FGF20: variants seen among roughly 807,000 people sequenced by gnomAD.
FGF20 encodes fibroblast growth factor 20.
Under a neutral mutation model 16.7 loss-of-function variants are expected in FGF20, and 8 were observed. The observed-to-expected ratio is 0.48, with a 90% CI of 0.28 to 0.87. FGF20 has a LOEUF of 0.87. Among genes scored for constraint, FGF20 ranks in the 40% least tolerant of loss-of-function variants. The pLI is 0.10. For missense variants in FGF20, 397 were observed against 281.4 expected (o/e 1.41, Z -2.94); for synonymous variants, 161 against 118.6 (o/e 1.36, Z -2.32).
chr8:16,999,083 G>C (rs1288804803), intron 1 of FGF20, among the ~76,000 whole-genome samples: 2 of 152,032 alleles, frequency 1.3e-5, no homozygotes, highest in Non-Finnish European at 2.9e-5. Flanking sequence ...CTTCTTACCC[G>C]CACTCTCTTA....
Position 17,002,325 on chromosome 8 carries a change from G to T in FGF20, c.-293C>A, listed in dbSNP as rs1810208957. On this transcript the variant is annotated 5_prime_UTR_variant, in exon 1 of 3. Coordinates refer to ENST00000180166, the MANE Select transcript of FGF20 (RefSeq NM_019851.3). ...GGCTGTTGGCTGGGGCTCCAATTCCGCAAACTGATCAGATCAGAGTCCTGT... is the reference window on the plus strand; with the variant it reads ...GGCTGTTGGCTGGGGCTCCAATTCCTCAAACTGATCAGATCAGAGTCCTGT... 2 of 360,550 alleles carry T rather than the reference G, an allele frequency of 5.5e-6. No homozygotes were observed. The highest frequency in any genetic ancestry group is 1.3e-4 in the South Asian group (2 of 14,918). 22.3% of individuals were successfully genotyped at this position (360,550 alleles called of 1,614,324 possible).
At chr8:16,993,413 T>A (rs921342756) in intron 2 of FGF20, 96 bp from the exon 3 acceptor site, 27 of 1,249,026 alleles carry the variant, frequency 2.2e-5, no homozygotes, top group Non-Finnish European at 2.8e-5. Context: ...CTTTGCCTTG[T>A]CAAAGAAAGA....
chr8:17,000,698 T>C (rs1810160974), intron 1 of FGF20, among the ~76,000 whole-genome samples: 1 of 151,988 alleles, frequency 6.6e-6, no homozygotes, highest in Admixed American at 6.6e-5. Flanking sequence ...GAGCACCCCA[T>C]CTTTGTACAG....
At chr8:17,001,485 C>G (rs1810180359) in intron 1 of FGF20, among the ~76,000 whole-genome samples, 1 of 152,096 alleles carries the variant, frequency 6.6e-6, no homozygotes, top group African/African-American at 2.4e-5. Context: ...AAGCGCCCAC[C>G]CTTTCTCCTC....
Position 17,001,963 on chromosome 8 carries a change from G to A in FGF20, c.70C>T (p.His24Tyr). ...TCCCCGGCAGGAGGCAACAGGAAAT[G>A]CGAACCCACCTGCTGGCCCAAGCCC... is the stretch of plus-strand genomic sequence containing the variant. ...LEGLGQQVGS[H>Y]FLLPPAGERP... The change falls in exon 1 of 3, where the codon CAT (histidine) becomes TAT (tyrosine). Residue 24 changes from histidine (H) to tyrosine (Y), a missense_variant. Transcript: ENST00000180166. 1 of 1,507,258 alleles carries A rather than the reference G, an allele frequency of 6.6e-7. No individual in the cohort carries two copies. Among genetic ancestry groups the A allele is most frequent in the Non-Finnish European group, 8.9e-7 (1 of 1,129,014 alleles). 93.4% of individuals were successfully genotyped at this position (1,507,258 alleles called of 1,614,324 possible).
intron 1 of FGF20, among the ~76,000 whole-genome samples, chr8:17,001,171 A>C (rs1254867305): frequency 1.3e-5 from 2 of 151,910 alleles, no homozygotes; most frequent in African/African-American, 2.4e-5. Context: ...TCTTCAGGTG[A>C]ACATTTGCAA....
chr8:17,002,101 A>G lies in FGF20; in HGVS notation c.-69T>C. The G allele has an allele frequency of 7.0e-7, 1 of 1,427,864 alleles. No individual in the cohort carries two copies. Among genetic ancestry groups the G allele is most frequent in the Non-Finnish European group, 9.2e-7 (1 of 1,089,530 alleles). 88.4% of individuals were successfully genotyped at this position (1,427,864 alleles called of 1,614,324 possible). A position where few individuals can be genotyped will look rare whatever the true frequency, so the allele number is the denominator to read the frequency against. On this transcript the variant is annotated 5_prime_UTR_variant, in exon 1 of 3. Coordinates refer to ENST00000180166, the MANE Select transcript of FGF20 (RefSeq NM_019851.3). ...TGTTGTGGGGGTGGGATGGAGGTGGATAGAGAAAAATTATAGCAAAACGAG... is the reference window on the plus strand; with the variant it reads ...TGTTGTGGGGGTGGGATGGAGGTGGGTAGAGAAAAATTATAGCAAAACGAG...
rs1340324108 is a variant in FGF20 at position 16,992,364 on chromosome 8, A to C, written c.*708T>G. The C allele has an allele frequency of 1.3e-5, 2 of 152,042 alleles. No individual in the cohort carries two copies. Among genetic ancestry groups the C allele is most frequent in the East Asian group, 3.8e-4 (2 of 5,198 alleles). The allele number at this position is 152,042 out of a possible 1,614,324, so 9.4% of individuals were successfully genotyped here. A position where few individuals can be genotyped will look rare whatever the true frequency, so the allele number is the denominator to read the frequency against. On this transcript the variant is annotated 3_prime_UTR_variant, in exon 3 of 3. Coordinates refer to ENST00000180166, the MANE Select transcript of FGF20 (RefSeq NM_019851.3). ...GATTCTATGGTTAAGGTGGTATAAT[A>C]ATGTCCTCTTTACAGAGCAAGACAC...
chr8:17,000,696 C>G (rs1001391124), intron 1 of FGF20, among the ~76,000 whole-genome samples: 1 of 151,958 alleles, frequency 6.6e-6, no homozygotes, highest in Non-Finnish European at 1.5e-5. Context: ...GAGAGCACCC[C>G]ATCTTTGTAC....
rs1458008934 is a variant in FGF20 at position 16,995,837 on chromosome 8, T to A, written c.287-79A>T. 9 of 752,924 alleles carry A rather than the reference T, an allele frequency of 1.2e-5. No homozygotes were observed. The East Asian group carries it at 2.3e-4, about 19-fold the overall frequency. The allele number at this position is 752,924 out of a possible 1,614,324, so 46.6% of individuals were successfully genotyped here. ...ATATGACTAACAAAAATCTTCCAAA[T>A]AGTAGCGGTAGTCGGCCATTATTGC... On this transcript the variant is annotated intron_variant, in intron 1 of 2. Coordinates refer to ENST00000180166, the MANE Select transcript of FGF20 (RefSeq NM_019851.3).
chr8:16,993,659 CA>C lies in FGF20; in HGVS notation c.391-343del, dbSNP rs17515289. On this transcript the variant is annotated intron_variant, in intron 2 of 2. Transcript: ENST00000180166. The stretch of plus-strand genomic sequence containing the variant: ...GTGTACTTCATTCCCATTATTATTA[CA>C]TTGTAATATATAATGAAATAATTAC... Among the ~76,000 whole-genome samples the C allele has an allele frequency of 2.1e-3, 324 of 152,226 alleles. 9 individuals are homozygous for C. The East Asian group carries it at 0.048, about 23-fold the overall frequency.
At chr8:16,999,779 T>C (rs1235524637) in intron 1 of FGF20, among the ~76,000 whole-genome samples, 1 of 150,616 alleles carries the variant, frequency 6.6e-6, no homozygotes, top group Non-Finnish European at 1.5e-5. Context: ...GACCTCATGA[T>C]CCACCCGCCT....
intron 1 of FGF20, among the ~76,000 whole-genome samples, chr8:17,000,943 C>A (rs889932274): frequency 7.2e-5 from 11 of 152,072 alleles, no homozygotes; most frequent in Non-Finnish European, 1.3e-4. Flanking sequence ...TTCCTAAAGT[C>A]GATACCAAGA....
At chr8:16,996,802 T>C (rs1382127846) in intron 1 of FGF20, among the ~76,000 whole-genome samples, 1 of 152,216 alleles carries the variant, frequency 6.6e-6, no homozygotes, top group Admixed American at 6.5e-5. Context: ...GAAAGGCTTA[T>C]TGACTTGCCT....
chr8:16,994,166 G>A (rs997134531), intron 2 of FGF20, among the ~76,000 whole-genome samples: 9 of 152,196 alleles, frequency 5.9e-5, no homozygotes, highest in African/African-American at 2.2e-4. Flanking sequence ...TCACTACCAA[G>A]CAGACCTGTA....
chr8:17,001,657 C>T, intron 1 of FGF20, 90 bp downstream of exon 1: 1 of 1,384,814 alleles, frequency 7.2e-7, no homozygotes, highest in Admixed American at 2.8e-5. Flanking sequence ...CGATGACGCC[C>T]TTGGCAGGCA....
At chr8:16,995,519 AGGATAGATTTC>A (rs1213884545) in intron 2 of FGF20, 125 bp downstream of exon 2, 38 of 440,654 alleles carry the variant, frequency 8.6e-5, no homozygotes, top group African/African-American at 7.6e-4. Flanking sequence ...GAAATTTAGC[AGGATAGATTTC>A]AATTTCTACG....
chr8:16,995,889 T>A, intron 1 of FGF20, 131 bp from the exon 2 acceptor site: 2 of 525,650 alleles, frequency 3.8e-6, no homozygotes, highest in Non-Finnish European at 3.4e-6. Context: ...CGTGTAAAAG[T>A]CCTTTGTACA....
intron 1 of FGF20, among the ~76,000 whole-genome samples, chr8:16,999,322 G>C (rs1278213415): frequency 6.6e-6 from 1 of 152,128 alleles, no homozygotes; most frequent in Non-Finnish European, 1.5e-5. Flanking sequence ...AAAACAAAAT[G>C]TGCGAGCAAG....
Sources: gnomAD v4.1 joint callset for allele counts (sites outside exome capture counted in the v4.1 genomes callset) on GRCh38, gnomAD v4.1.1 for gene constraint, MANE v1.5 for transcripts, NCBI Gene and HGNC (gene_info 2026-07-23, HGNC 2026-07-21) for gene names.